Variants in SHISA9 observed in about 807,000 individuals in gnomAD.
SHISA9 encodes the protein shisa family member 9.
Under a neutral mutation model 38.0 loss-of-function variants are expected in SHISA9, and 13 were observed. The observed-to-expected ratio is 0.34, with a 90% CI of 0.22 to 0.54. The LOEUF is 0.54. Ranked by LOEUF, SHISA9 falls within the 20% of genes least tolerant of loss-of-function variation. SHISA9 has a pLI of 0.91. For synonymous variants in SHISA9, 275 were observed against 242.0 expected (o/e 1.14, Z -1.27); for missense variants, 538 against 575.8 (o/e 0.93, Z 0.67).
At chr16:12,921,864 G>C (rs955236932) in intron 2 of SHISA9, among the ~76,000 whole-genome samples, 3 of 152,204 alleles carry the variant, frequency 2.0e-5, no homozygotes, top group Admixed American at 6.5e-5. Context: ...AAATATGTAA[G>C]ATAGTGTAAT....
At chr16:13,387,488 ATT>A in the SHISA9 span, among the ~76,000 whole-genome samples, 14 of 143,464 alleles carry the variant, frequency 9.8e-5, no homozygotes, top group South Asian at 4.5e-4. Context: ...CCCCTAGAGG[ATT>A]TTTTTTTTTT....
At chr16:13,484,449 G>T in the SHISA9 span, among the ~76,000 whole-genome samples, 6 of 152,114 alleles carry the variant, frequency 3.9e-5, no homozygotes, top group Non-Finnish European at 8.8e-5. Context: ...ATAACTGGTG[G>T]TCTTCCTCCT....
the SHISA9 span, among the ~76,000 whole-genome samples, chr16:13,309,304 C>T: frequency 5.3e-5 from 8 of 151,912 alleles, no homozygotes; most frequent in African/African-American, 1.2e-4. Context: ...CACGTTTACC[C>T]GTGTAGCAAA....
chr16:12,908,693 T>G (rs2071138491), intron 1 of SHISA9: 2 of 1,510,772 alleles, frequency 1.3e-6, no homozygotes, highest in South Asian at 2.6e-5. Context: ...CAACAGCTCA[T>G]GCATCGGGGC....
intron 2 of SHISA9, among the ~76,000 whole-genome samples, chr16:12,933,701 G>A (rs575558614): frequency 4.6e-5 from 7 of 152,076 alleles, no homozygotes; most frequent in Non-Finnish European, 8.8e-5. Flanking sequence ...GTTGAAAATG[G>A]GGCACATTAT....
intron 2 of SHISA9, among the ~76,000 whole-genome samples, chr16:13,176,243 G>T (rs2050730746): frequency 6.6e-6 from 1 of 151,982 alleles, no homozygotes; most frequent in South Asian, 2.1e-4. Flanking sequence ...GGCATATTTT[G>T]GGGGGTCTAG....
the SHISA9 span, among the ~76,000 whole-genome samples, chr16:13,412,807 C>T: frequency 1.3e-5 from 2 of 152,004 alleles, no homozygotes; most frequent in African/African-American, 4.8e-5. Context: ...CAGTGAGCAA[C>T]AAACACACCA....
the SHISA9 span, among the ~76,000 whole-genome samples, chr16:13,380,348 GA>G: frequency 2.0e-5 from 3 of 152,132 alleles, no homozygotes; most frequent in Non-Finnish European, 4.4e-5. Context: ...AAGAAGGGGG[GA>G]AAGAGAAAAT....
intron 2 of SHISA9, among the ~76,000 whole-genome samples, chr16:13,096,265 T>G (rs575645833): frequency 6.6e-6 from 1 of 152,350 alleles, no homozygotes; most frequent in Non-Finnish European, 1.5e-5. Flanking sequence ...GATTATGTAC[T>G]GAGCATGTAC....
the SHISA9 span, among the ~76,000 whole-genome samples, chr16:13,539,350 T>TACAC: frequency 6.1e-5 from 4 of 65,974 alleles, no homozygotes; most frequent in African/African-American, 2.0e-4. Flanking sequence ...TATAAAGATA[T>TACAC]ATATATATAA....
chr16:12,965,394 G>C (rs1177991208), intron 2 of SHISA9, among the ~76,000 whole-genome samples: 3 of 152,164 alleles, frequency 2.0e-5, no homozygotes, highest in Non-Finnish European at 4.4e-5. Context: ...TTTGTTGGCA[G>C]TCATTCCTCC....
chr16:12,967,153 C>A (rs932454842), intron 2 of SHISA9, among the ~76,000 whole-genome samples: 1 of 152,196 alleles, frequency 6.6e-6, no homozygotes, highest in African/African-American at 2.4e-5. Flanking sequence ...AGACTTGGAA[C>A]CAACCCAAAT....
chr16:13,101,970 G>T (rs1278715576), intron 2 of SHISA9, among the ~76,000 whole-genome samples: 1 of 152,360 alleles, frequency 6.6e-6, no homozygotes, highest in East Asian at 1.9e-4. Context: ...TGCCAGGCCT[G>T]AATTCCTGCA....
intron 3 of SHISA9, among the ~76,000 whole-genome samples, chr16:13,209,747 A>G (rs947619326): frequency 1.3e-5 from 2 of 152,334 alleles, no homozygotes; most frequent in East Asian, 1.9e-4. Context: ...TATGGTTACA[A>G]TATGGGAGCC....
the SHISA9 span, among the ~76,000 whole-genome samples, chr16:13,484,193 C>A: frequency 3.9e-5 from 6 of 152,140 alleles, no homozygotes; most frequent in African/African-American, 1.4e-4. Context: ...GTCACAGAAG[C>A]CTTCCATGTT....
At chr16:13,387,517 C>T in the SHISA9 span, among the ~76,000 whole-genome samples, 2 of 150,002 alleles carry the variant, frequency 1.3e-5, no homozygotes, top group Non-Finnish European at 3.0e-5. Context: ...GAGACGGAAT[C>T]TCTCACTCTG....
At chr16:13,561,105 C>G in the SHISA9 span, among the ~76,000 whole-genome samples, 3 of 152,200 alleles carry the variant, frequency 2.0e-5, no homozygotes, top group African/African-American at 7.2e-5. Flanking sequence ...CTCAGGTGAA[C>G]TGCCCGCTTC....
intron 3 of SHISA9, among the ~76,000 whole-genome samples, chr16:13,211,436 C>G (rs769438220): frequency 3.3e-5 from 5 of 151,920 alleles, no homozygotes; most frequent in Non-Finnish European, 7.4e-5. Flanking sequence ...CATAATTTTA[C>G]AATAGTGTGA....
intron 2 of SHISA9, among the ~76,000 whole-genome samples, chr16:13,025,870 A>G (rs1315434913): frequency 1.3e-5 from 2 of 151,952 alleles, no homozygotes; most frequent in Admixed American, 1.3e-4. Context: ...CAATGGTGTG[A>G]TCCTGGCTCA....
Sources: allele counts gnomAD v4.1 joint callset (sites outside exome capture counted in the v4.1 genomes callset), GRCh38; gene constraint gnomAD v4.1.1; transcripts MANE v1.5; gene names NCBI Gene and HGNC (gene_info 2026-07-23, HGNC 2026-07-21).